Variants in SCP2 observed in about 807,000 individuals in gnomAD.
SCP2 encodes the protein SCP-2/3-oxoacyl-CoA thiolase.
SCP2 carries 48 observed loss-of-function variants against 71.4 expected under a neutral mutation model. The ratio of observed to expected loss-of-function variants is 0.67; its 90% confidence interval spans 0.53 to 0.86. SCP2 has a LOEUF of 0.86. Ranked by LOEUF, SCP2 falls within the 40% of genes least tolerant of loss-of-function variation. The pLI, the probability that SCP2 is intolerant of heterozygous loss-of-function variation, is 0.00. For missense variants in SCP2, 560 were observed against 655.6 expected, an observed-to-expected ratio of 0.85 and a Z score of 1.59; for synonymous variants, 220 against 218.1, an observed-to-expected ratio of 1.01 and a Z score of -0.08.
chr1:52,947,046 G>A (rs1332524622), intron 2 of SCP2, among the ~76,000 whole-genome samples: 1 of 139,516 alleles, frequency 7.2e-6, no homozygotes, highest in Non-Finnish European at 1.5e-5. Flanking sequence ...GGGCGACAGA[G>A]CAAGACTCTG....
chr1:53,033,177 C>G (rs1350128829), intron 13 of SCP2, among the ~76,000 whole-genome samples: 2 of 151,968 alleles, frequency 1.3e-5, no homozygotes, highest in African/African-American at 2.4e-5. Context: ...TATTTTAGGA[C>G]TACTTATTAA....
At position 53,051,564 on chromosome 1, in the gene SCP2, G is replaced by C. The variant is rs1303309650; in HGVS notation, c.*860G>C. On this transcript the variant is annotated 3_prime_UTR_variant, in exon 16 of 16. Coordinates refer to ENST00000371514, the MANE Select transcript of SCP2 (RefSeq NM_002979.5). The stretch of plus-strand genomic sequence containing the variant: ...TCAGTGAGATATAGGATAAAATAAT[G>C]CTTTGAGAAGAATGTTTAATAGAAA... The C allele has an allele frequency of 2.0e-5, 3 of 152,046 alleles. No individual in the cohort carries two copies. The highest frequency in any genetic ancestry group is 7.2e-5 in the African/African-American group (3 of 41,382). 9.4% of individuals were successfully genotyped at this position (152,046 alleles called of 1,614,324 possible). A position where few individuals can be genotyped will look rare whatever the true frequency, so the allele number is the denominator to read the frequency against.
At chr1:52,994,213 C>T in intron 11 of SCP2, 1 of 1,020,914 alleles carries the variant, frequency 9.8e-7, no homozygotes, top group African/African-American at 1.7e-5. Flanking sequence ...AATAAATATT[C>T]CTGTGGTATG....
intron 11 of SCP2, among the ~76,000 whole-genome samples, chr1:53,010,596 T>G (rs1370463493): frequency 6.6e-6 from 1 of 151,734 alleles, no homozygotes; most frequent in Non-Finnish European, 1.5e-5. Context: ...CTTGGACACA[T>G]GGTGGGGAAC....
intron 12 of SCP2, among the ~76,000 whole-genome samples, chr1:53,015,912 C>G (rs1296310827): frequency 6.6e-6 from 1 of 152,164 alleles, no homozygotes; most frequent in African/African-American, 2.4e-5. Flanking sequence ...TCCCTATTTA[C>G]TCTCTTTAAC....
chr1:52,992,669 A>T (rs747251503), intron 11 of SCP2, among the ~76,000 whole-genome samples: 2 of 152,214 alleles, frequency 1.3e-5, no homozygotes, highest in Non-Finnish European at 2.9e-5. Context: ...GGCCACCAGA[A>T]AACAAAAGTT....
At chr1:53,045,059 G>T (rs916545964) in intron 14 of SCP2, among the ~76,000 whole-genome samples, 3 of 151,940 alleles carry the variant, frequency 2.0e-5, no homozygotes, top group Non-Finnish European at 4.4e-5. Flanking sequence ...CTGTTTTTTT[G>T]TTTTGCGTTT....
At chr1:52,994,098 G>T in intron 11 of SCP2, 1 of 1,064,780 alleles carries the variant, frequency 9.4e-7, no homozygotes. Context: ...ACTATTTTCT[G>T]CCTTTGGTAA....
At chr1:52,945,421 G>A (rs1410495025) in intron 2 of SCP2, among the ~76,000 whole-genome samples, 1 of 152,138 alleles carries the variant, frequency 6.6e-6, no homozygotes, top group East Asian at 1.9e-4. Context: ...TTGGAAAAGG[G>A]CCAGGTGTGG....
At chr1:53,035,763 T>A (rs1662881641) in intron 13 of SCP2, among the ~76,000 whole-genome samples, 1 of 152,110 alleles carries the variant, frequency 6.6e-6, no homozygotes, top group Admixed American at 6.5e-5. Context: ...GAGTACTCTG[T>A]GTGTTGTGGG....
intron 11 of SCP2, among the ~76,000 whole-genome samples, chr1:52,992,008 C>T (rs1659548600): frequency 6.6e-6 from 1 of 152,128 alleles, no homozygotes; most frequent in African/African-American, 2.4e-5. Context: ...TAAAAGCTTA[C>T]ACTTAATACT....
At chr1:52,940,793 C>T (rs1654160304) in intron 1 of SCP2, among the ~76,000 whole-genome samples, 1 of 152,118 alleles carries the variant, frequency 6.6e-6, no homozygotes, top group Non-Finnish European at 1.5e-5. Context: ...TTCTGTCATC[C>T]AGGCTGGAGT....
At position 52,927,533 on chromosome 1, in the gene SCP2, C is replaced by A. The variant is rs995900168; in HGVS notation, c.69+68C>A. On this transcript the variant is annotated intron_variant, in intron 1 of 15. Transcript: ENST00000371514. ...GCGGTCGGTGCCTGGGTTTCTCTGT[C>A]CCTCCGGTCTCCTAGCTTCGACTGC... 3.7e-5 allele frequency: 45 copies of A among 1,205,074 alleles called. No homozygotes were observed. In the African/African-American group the frequency reaches 4.8e-4, roughly 13 times the overall value. The allele number at this position is 1,205,074 out of a possible 1,614,324, so 74.6% of individuals were successfully genotyped here.
intron 6 of SCP2, among the ~76,000 whole-genome samples, chr1:52,966,540 G>T (rs1350653694): frequency 2.0e-5 from 3 of 149,532 alleles, no homozygotes; most frequent in Admixed American, 6.7e-5. Context: ...ATTTGTAAGT[G>T]ATATATATAT....
rs1664192710 is a variant in SCP2, at chr1:53,051,516, A to T, written c.*812A>T. 6.6e-6 allele frequency: 1 copy of T among 152,116 alleles called. No homozygotes were observed. Among genetic ancestry groups the T allele is most frequent in the Non-Finnish European group, 1.5e-5 (1 of 68,032 alleles). The allele number at this position is 152,116 out of a possible 1,614,324, so 9.4% of individuals were successfully genotyped here. On this transcript the variant is annotated 3_prime_UTR_variant, in exon 16 of 16. Coordinates refer to ENST00000371514, the MANE Select transcript of SCP2 (RefSeq NM_002979.5). Reference sequence around the variant, plus strand: ...TTTATCTTTTTTCCTAGTTTTTCTAATACTAATGTTATTTCTTAAAATTCA... The same window carrying T: ...TTTATCTTTTTTCCTAGTTTTTCTATTACTAATGTTATTTCTTAAAATTCA...
intron 6 of SCP2, among the ~76,000 whole-genome samples, chr1:52,971,198 G>A (rs575044311): frequency 1.3e-5 from 2 of 151,988 alleles, no homozygotes; most frequent in South Asian, 2.1e-4. Context: ...GGATGGTCTC[G>A]ATATCCCGAC....
At chr1:53,008,781 G>T (rs1393454657) in intron 11 of SCP2, among the ~76,000 whole-genome samples, 2 of 152,166 alleles carry the variant, frequency 1.3e-5, no homozygotes, top group African/African-American at 4.8e-5. Context: ...TCTGGCCAAG[G>T]CAATCAGGCA....
At chr1:53,002,106 C>T (rs1176806905) in intron 11 of SCP2, among the ~76,000 whole-genome samples, 1 of 151,682 alleles carries the variant, frequency 6.6e-6, no homozygotes, top group Non-Finnish European at 1.5e-5. Flanking sequence ...ATGGCGTGAG[C>T]CTGGGAGGCG....
chr1:53,029,841 T>C (rs1662401940), intron 13 of SCP2, among the ~76,000 whole-genome samples: 1 of 152,028 alleles, frequency 6.6e-6, no homozygotes, highest in Non-Finnish European at 1.5e-5. Flanking sequence ...TTATAACCTA[T>C]GTTTTTCTTT....
Sources: allele counts gnomAD v4.1 joint callset (sites outside exome capture counted in the v4.1 genomes callset), GRCh38; gene constraint gnomAD v4.1.1; transcripts MANE v1.5; gene names NCBI Gene and HGNC (gene_info 2026-07-23, HGNC 2026-07-21).